Variants in COL11A1 observed in about 807,000 individuals in gnomAD.
COL11A1 encodes the protein collagen alpha-1(XI) chain.
COL11A1 carries 74 observed loss-of-function variants against 265.2 expected under a neutral mutation model. The observed-to-expected ratio is 0.28, with a 90% CI of 0.23 to 0.34. The LOEUF (loss-of-function observed/expected upper bound fraction) is 0.34, where lower values mean the gene tolerates loss of function less well. COL11A1 is among the 10% of genes least tolerant of loss of function. COL11A1 has a pLI of 1.00. For synonymous variants in COL11A1, 816 were observed against 727.6 expected, an observed-to-expected ratio of 1.12 and a Z score of -1.96; for missense variants, 2,165 against 2,263.6, an observed-to-expected ratio of 0.96 and a Z score of 0.88.
At chr1:102,962,370 T>C (rs1265260716) in intron 39 of COL11A1, 105 bp from the exon 40 acceptor site, 3 of 926,436 alleles carry the variant, frequency 3.2e-6, no homozygotes, top group Admixed American at 1.9e-5. Context: ...ATGTGAATAT[T>C]ATTTAATGAT....
chr1:103,028,696 G>C (rs1003794026), intron 5 of COL11A1, among the ~76,000 whole-genome samples: 2 of 152,132 alleles, frequency 1.3e-5, no homozygotes, highest in Admixed American at 1.3e-4. Context: ...TACATAATTT[G>C]TAAGAAAACT....
At chr1:103,058,406 C>T (rs1348322437) in intron 4 of COL11A1, among the ~76,000 whole-genome samples, 2 of 152,140 alleles carry the variant, frequency 1.3e-5, no homozygotes, top group African/African-American at 4.8e-5. Flanking sequence ...CCTTACCATT[C>T]ATATGTTCAC....
chr1:103,060,614 C>G (rs1670597908), intron 4 of COL11A1, among the ~76,000 whole-genome samples: 1 of 152,042 alleles, frequency 6.6e-6, no homozygotes, highest in Non-Finnish European at 1.5e-5. Flanking sequence ...TTGCATTACT[C>G]ATAAATCAGT....
At position 102,927,953 on chromosome 1, in the gene COL11A1, T is replaced by C. The variant is rs542436646; in HGVS notation, c.3601-4564A>G. 6.6e-5 allele frequency among the ~76,000 whole-genome samples: 10 copies of C among 152,216 alleles called. No homozygotes were observed. The South Asian group carries it at 2.1e-3, about 32-fold the overall frequency. On this transcript the variant is annotated intron_variant, in intron 46 of 66. Transcript: ENST00000370096. The stretch of plus-strand genomic sequence containing the variant: ...TAGCCATCTTGAAAGTAAAGAGTCA[T>C]AGGTCGAGTTTCTCCGGGGAAAGGA...
chr1:103,080,660 T>C (rs1239515528), intron 2 of COL11A1, among the ~76,000 whole-genome samples: 1 of 151,738 alleles, frequency 6.6e-6, no homozygotes, highest in Non-Finnish European at 1.5e-5. Context: ...TATCAAAAAG[T>C]CAAAAGATAA....
At chr1:102,962,364 G>T in intron 39 of COL11A1, 99 bp from the exon 40 acceptor site, 1 of 955,726 alleles carries the variant, frequency 1.0e-6, no homozygotes. Flanking sequence ...AGTAAAATGT[G>T]AATATTATTT....
chr1:103,026,474 C>T (rs1667528395), intron 5 of COL11A1, 142 bp from the exon 6 acceptor site: 1 of 680,122 alleles, frequency 1.5e-6, no homozygotes, highest in Non-Finnish European at 2.7e-6. Context: ...TTTTGTATTA[C>T]ATAGAAGTAT....
chr1:103,002,057 C>CT, intron 23 of COL11A1, 88 bp from the exon 24 acceptor site: 1 of 1,095,068 alleles, frequency 9.1e-7, no homozygotes, highest in Non-Finnish European at 1.4e-6. Flanking sequence ...CACTATAGTA[C>CT]ACAGTGAGTT....
rs1244593543 is a variant in COL11A1 at position 102,974,835 on chromosome 1, G to T, written c.2803C>A (p.Pro935Thr). The T allele has an allele frequency of 5.0e-6, 8 of 1,612,744 alleles. No homozygotes were observed. Among genetic ancestry groups the T allele is most frequent in the Non-Finnish European group, 6.8e-6 (8 of 1,178,916 alleles). The change falls in exon 36 of 67, where the codon CCT becomes ACT. Residue 935 changes from proline (P) to threonine (T), a missense_variant. Transcript: ENST00000370096. ...GPVGFPGPKG[P>T]PGPPGKDGLP... ...AGAGAAGCTCTGACACTTACAGGAG[G>T]GCCTTTTGGTCCAGGGAATCCAACT...
chr1:103,022,591 C>G (rs1053733548), intron 8 of COL11A1, 151 bp downstream of exon 8: 59 of 820,880 alleles, frequency 7.2e-5, no homozygotes, highest in Non-Finnish European at 1.0e-4. Flanking sequence ...GTGAAAGAAT[C>G]TAACAAGGTG....
In COL11A1 at chr1:103,041,501, C is replaced by T. The variant is rs533871933; in HGVS notation, c.652-10257G>A. ...AATTTTATATAAAGTGGTACTATCC[C>T]AGAAATAACAGGTCTTTTAAAAATA... On this transcript the variant is annotated intron_variant, in intron 4 of 66. Transcript: ENST00000370096. Among the ~76,000 whole-genome samples the T allele has an allele frequency of 2.5e-3, 381 of 151,568 alleles. 1 individual carries two copies. Among genetic ancestry groups the T allele is most frequent in the African/African-American group, 8.9e-3 (368 of 41,410 alleles).
chr1:102,947,100 G>A (rs1221116007), intron 41 of COL11A1, 144 bp from the exon 42 acceptor site: 1 of 739,136 alleles, frequency 1.4e-6, no homozygotes, highest in African/African-American at 1.8e-5. Context: ...ATCCCAAAGA[G>A]AAACAGTTGA....
In COL11A1 at chr1:103,108,236, A is replaced by C; in HGVS notation, c.-58T>G. 1 of 1,346,766 alleles carries C rather than the reference A, an allele frequency of 7.4e-7. No homozygotes were observed. The highest frequency in any genetic ancestry group is 1.1e-6 in the Non-Finnish European group (1 of 939,966). 83.4% of individuals were successfully genotyped at this position (1,346,766 alleles called of 1,614,324 possible). A position where few individuals can be genotyped will look rare whatever the true frequency, so the allele number is the denominator to read the frequency against. ...ACCCACGAAATTGCGACTGCAGACC[A>C]ACTTCGTCCTTTCCAAGGTATCGCC... is the stretch of plus-strand genomic sequence containing the variant. On this transcript the variant is annotated 5_prime_UTR_variant, in exon 1 of 67. Transcript: ENST00000370096.
At chr1:103,001,283 C>T (rs1169093124) in intron 24 of COL11A1, 1 of 396,162 alleles carries the variant, frequency 2.5e-6, no homozygotes, top group Non-Finnish European at 4.4e-6. Flanking sequence ...TTCGATAAAG[C>T]TATTAGTTTT....
intron 49 of COL11A1, 39 bp downstream of exon 49, chr1:102,920,272 T>C (rs1297653850): frequency 6.4e-7 from 1 of 1,568,302 alleles, no homozygotes; most frequent in South Asian, 1.1e-5. Flanking sequence ...CAGTTCTTAA[T>C]TCATGCTGTT....
At chr1:102,932,063 C>T (rs1231780058) in intron 46 of COL11A1, among the ~76,000 whole-genome samples, 1 of 150,092 alleles carries the variant, frequency 6.7e-6, no homozygotes, top group Non-Finnish European at 1.5e-5. Flanking sequence ...CAGTCTGTGT[C>T]TTTTAATTGG....
At chr1:102,962,436 T>C (rs546674591) in intron 39 of COL11A1, among the ~76,000 whole-genome samples, 171 bp from the exon 40 acceptor site, 4 of 152,314 alleles carry the variant, frequency 2.6e-5, no homozygotes, top group African/African-American at 9.6e-5. Context: ...CTACCTACAT[T>C]TAACGTTACA....
chr1:102,929,143 G>A (rs1477902069), intron 46 of COL11A1, among the ~76,000 whole-genome samples: 1 of 136,140 alleles, frequency 7.3e-6, no homozygotes, highest in African/African-American at 2.7e-5. Flanking sequence ...TGCTTTTGGT[G>A]TTTTAGACAT....
At chr1:103,071,939 T>C (rs1053402632) in intron 4 of COL11A1, among the ~76,000 whole-genome samples, 2 of 151,342 alleles carry the variant, frequency 1.3e-5, no homozygotes, top group Admixed American at 6.6e-5. Flanking sequence ...TCATTTTTTT[T>C]CTATAAATCC....
Sources: gnomAD v4.1 joint callset for allele counts (sites outside exome capture counted in the v4.1 genomes callset) on GRCh38, gnomAD v4.1.1 for gene constraint, MANE v1.5 for transcripts, NCBI Gene and HGNC (gene_info 2026-07-23, HGNC 2026-07-21) for gene names.